Variants in PAQR8 observed in about 807,000 individuals in gnomAD.
The protein encoded by PAQR8 is membrane progestin receptor beta.
PAQR8 carries 17 observed loss-of-function variants against 25.2 expected under a neutral mutation model. The observed-to-expected ratio is 0.67, with a 90% CI of 0.46 to 1.01. The LOEUF (loss-of-function observed/expected upper bound fraction) is 1.01. Ranked by LOEUF, PAQR8 falls within the 50% of genes least tolerant of loss-of-function variation. The pLI is 0.00. For missense variants in PAQR8, 392 were observed against 448.4 expected, an observed-to-expected ratio of 0.87 and a Z score of 1.14; for synonymous variants, 204 against 190.6, an observed-to-expected ratio of 1.07 and a Z score of -0.58.
chr6:52,395,424 C>T (rs987288634), intron 1 of PAQR8, among the ~76,000 whole-genome samples: 9 of 152,088 alleles, frequency 5.9e-5, no homozygotes, highest in Admixed American at 1.3e-4. Context: ...TAATCTGACT[C>T]TAATTAAAAA....
intron 1 of PAQR8, among the ~76,000 whole-genome samples, chr6:52,385,146 G>GA (rs1442975638): frequency 6.6e-6 from 1 of 152,192 alleles, no homozygotes; most frequent in Non-Finnish European, 1.5e-5. Context: ...GATCATGGGG[G>GA]CAGTGTCCCC....
At chr6:52,391,207 T>C (rs1024634476) in intron 1 of PAQR8, among the ~76,000 whole-genome samples, 17 of 152,244 alleles carry the variant, frequency 1.1e-4, no homozygotes, top group African/African-American at 3.9e-4. Flanking sequence ...GAAATCTTTT[T>C]TGAGAATGTA....
chr6:52,364,665 C>T (rs927980037), intron 1 of PAQR8, among the ~76,000 whole-genome samples: 27 of 152,166 alleles, frequency 1.8e-4, no homozygotes, highest in Non-Finnish European at 3.8e-4. Context: ...AGCTGGGAAA[C>T]AGCCAGGCAC....
intron 1 of PAQR8, among the ~76,000 whole-genome samples, chr6:52,370,230 G>A (rs1763401656): frequency 6.6e-6 from 1 of 152,106 alleles, no homozygotes; most frequent in South Asian, 2.1e-4. Flanking sequence ...ATTTTTGTAG[G>A]TCTCAAGAAT....
chr6:52,376,754 T>A (rs1763489559), intron 1 of PAQR8, among the ~76,000 whole-genome samples: 1 of 152,246 alleles, frequency 6.6e-6, no homozygotes, highest in Non-Finnish European at 1.5e-5. Context: ...ATTTTCTGCA[T>A]CTTTTTGGAT....
intron 1 of PAQR8, among the ~76,000 whole-genome samples, chr6:52,390,322 G>A (rs1231287607): frequency 6.6e-6 from 1 of 152,228 alleles, no homozygotes; most frequent in African/African-American, 2.4e-5. Context: ...TAGCTAGAGG[G>A]TTCTAGTTAG....
intron 1 of PAQR8, among the ~76,000 whole-genome samples, chr6:52,381,363 T>G (rs2113940866): frequency 6.6e-6 from 1 of 152,344 alleles, no homozygotes; most frequent in East Asian, 1.9e-4. Context: ...GGCCCTATAC[T>G]TTGGGAGGCC....
chr6:52,376,064 G>C (rs769573338), intron 1 of PAQR8, among the ~76,000 whole-genome samples: 9 of 152,234 alleles, frequency 5.9e-5, no homozygotes, highest in Non-Finnish European at 1.2e-4. Context: ...AGTTTAATGA[G>C]ATGGGAAAGC....
At chr6:52,369,725 C>G (rs1763395535) in intron 1 of PAQR8, among the ~76,000 whole-genome samples, 1 of 152,128 alleles carries the variant, frequency 6.6e-6, no homozygotes, top group South Asian at 2.1e-4. Context: ...AGTATATAGT[C>G]AGTGATGGAG....
Position 52,403,917 on chromosome 6 carries a change from G to C in PAQR8, c.704G>C (p.Cys235Ser). ...ISPVAHRVALCHLAGCQEQAA... is the reference protein window; with the variant it reads ...ISPVAHRVALSHLAGCQEQAA... ...CCTGTGGCACACCGTGTGGCGCTCT[G>C]TCACCTGGCTGGCTGCCAGGAGCAA... Residue 235 changes from cysteine (C) to serine (S), a missense_variant, in exon 2 of 2, where the codon TGT (cysteine) becomes TCT (serine). Transcript: ENST00000442253. 6.2e-7 allele frequency: 1 copy of C among 1,614,246 alleles called. No homozygotes were observed. Among genetic ancestry groups the C allele is most frequent in the Non-Finnish European group, 8.5e-7 (1 of 1,180,036 alleles).
intron 1 of PAQR8, among the ~76,000 whole-genome samples, chr6:52,392,007 G>C (rs1291782014): frequency 6.6e-6 from 1 of 152,124 alleles, no homozygotes; most frequent in Non-Finnish European, 1.5e-5. Context: ...TACAGTATTA[G>C]AGCTTATATA....
At chr6:52,382,811 T>A (rs1763576981) in intron 1 of PAQR8, among the ~76,000 whole-genome samples, 1 of 152,158 alleles carries the variant, frequency 6.6e-6, no homozygotes, top group Non-Finnish European at 1.5e-5. Flanking sequence ...CCATTTTTTT[T>A]TAAGACAGGG....
intron 1 of PAQR8, among the ~76,000 whole-genome samples, chr6:52,401,528 A>C (rs1001452001): frequency 2.0e-5 from 3 of 152,222 alleles, no homozygotes; most frequent in African/African-American, 7.2e-5. Context: ...TGAAGCCTGA[A>C]ATTCACCGAG....
At chr6:52,365,174 G>C (rs1763337680) in intron 1 of PAQR8, among the ~76,000 whole-genome samples, 2 of 151,924 alleles carry the variant, frequency 1.3e-5, no homozygotes, top group South Asian at 4.2e-4. Flanking sequence ...TGCCCCAGCT[G>C]TAGGTAATGC....
At chr6:52,398,204 CTT>C (rs869285681) in intron 1 of PAQR8, among the ~76,000 whole-genome samples, 18 of 85,820 alleles carry the variant, frequency 2.1e-4, no homozygotes, top group East Asian at 1.8e-3. Context: ...TTTCTTTTTT[CTT>C]TTTTTTTTTT....
At chr6:52,368,484 T>C (rs1763380379) in intron 1 of PAQR8, among the ~76,000 whole-genome samples, 1 of 152,054 alleles carries the variant, frequency 6.6e-6, no homozygotes, top group Admixed American at 6.5e-5. Flanking sequence ...TGACTTGTAT[T>C]TAAAAAAAAA....
Position 52,404,143 on chromosome 6 carries a change from C to T in PAQR8, c.930C>T (p.Ile310=). 3 of 1,614,216 alleles carry T rather than the reference C, an allele frequency of 1.9e-6. No homozygotes were observed. Among genetic ancestry groups the T allele is most frequent in the Non-Finnish European group, 2.5e-6 (3 of 1,180,026 alleles). ...ILLDYQGRQE[I]FLQRHGPLSV... ...TGGACTACCAGGGGCGGCAGGAGAT[C>T]TTCCTGCAGCGCCATGGACCCCTAT... Residue 310 remains isoleucine, a synonymous_variant, in exon 2 of 2, where the codon ATC becomes ATT. Transcript: ENST00000442253.
intron 1 of PAQR8, among the ~76,000 whole-genome samples, chr6:52,388,456 G>A (rs567432140): frequency 6.6e-5 from 10 of 152,048 alleles, no homozygotes; most frequent in Admixed American, 2.0e-4. Context: ...GCCCCCATAC[G>A]TGGAAAAATT....
intron 1 of PAQR8, among the ~76,000 whole-genome samples, chr6:52,385,147 C>T (rs1394847396): frequency 6.6e-6 from 1 of 152,156 alleles, no homozygotes; most frequent in African/African-American, 2.4e-5. Flanking sequence ...ATCATGGGGG[C>T]AGTGTCCCCC....
Sources: gnomAD v4.1 joint callset for allele counts (sites outside exome capture counted in the v4.1 genomes callset) on GRCh38, gnomAD v4.1.1 for gene constraint, MANE v1.5 for transcripts, NCBI Gene and HGNC (gene_info 2026-07-23, HGNC 2026-07-21) for gene names.